ZSWIM5: variants seen among roughly 807,000 people sequenced by gnomAD.
ZSWIM5 encodes zinc finger SWIM domain-containing protein 5.
Under a neutral mutation model 119.6 loss-of-function variants are expected in ZSWIM5, and 55 were observed. The ratio of observed to expected loss-of-function variants is 0.46; its 90% CI spans 0.37 to 0.58. The LOEUF (loss-of-function observed/expected upper bound fraction) is 0.58, where lower values mean the gene tolerates loss of function less well. ZSWIM5 is among the 20% of genes least tolerant of loss of function. The probability of loss-of-function intolerance (pLI) is 0.00; values close to 1 mark genes in which losing one functional copy is unlikely to be tolerated. For synonymous variants in ZSWIM5, 537 were observed against 606.9 expected, an observed-to-expected ratio of 0.88 and a Z score of 1.69; for missense variants, 1,193 against 1,512.8, an observed-to-expected ratio of 0.79 and a Z score of 3.51.
rs758591989 is a variant in ZSWIM5, at chr1:45,206,185, C to T, written c.166G>A (p.Ala56Thr). The T allele has an allele frequency of 2.5e-6, 4 of 1,604,456 alleles. No individual in the cohort carries two copies. Among genetic ancestry groups the T allele is most frequent in the African/African-American group, 1.3e-5 (1 of 74,562 alleles). ...GAATCCGGCTGCAGGTGGGGGCGGG[C>T]CCCGAGGACCAGGCAGCTGCTGCCG... is the stretch of plus-strand genomic sequence containing the variant. The part of the protein sequence containing the change: ...GVGSSCLVLG[A>T]RPHLQPDSLL... The change falls in exon 1 of 14, where the codon GCC becomes ACC. Residue 56 changes from alanine to threonine, a missense_variant. Physicochemically the swap from Ala to Thr is moderately conservative, Grantham distance 58. Around this residue, in one of 2 missense-constraint regions of ZSWIM5, gnomAD observed 232 missense variants for 222.9 expected, o/e 1.04. Transcript: ENST00000359600.
intron 1 of ZSWIM5, among the ~76,000 whole-genome samples, chr1:45,150,726 G>A (rs1645791864): frequency 6.6e-6 from 1 of 151,710 alleles, no homozygotes; most frequent in African/African-American, 2.4e-5. Context: ...TGTTTGTCTT[G>A]TCGACCAGAT....
chr1:45,079,395 C>T (rs2149007872), intron 2 of ZSWIM5, among the ~76,000 whole-genome samples: 1 of 152,310 alleles, frequency 6.6e-6, no homozygotes, highest in Admixed American at 6.5e-5. Flanking sequence ...AGAGGAGCCT[C>T]CCATGGCCAC....
At chr1:45,040,330 T>C in intron 7 of ZSWIM5, 62 bp downstream of exon 7, 2 of 1,458,030 alleles carry the variant, frequency 1.4e-6, no homozygotes, top group Admixed American at 2.3e-5. Context: ...GGGCCTTGTA[T>C]CCCCTGAGGA....
At chr1:45,106,395 G>A (rs1645478541) in intron 1 of ZSWIM5, among the ~76,000 whole-genome samples, 1 of 148,162 alleles carries the variant, frequency 6.7e-6, no homozygotes, top group African/African-American at 2.5e-5. Flanking sequence ...CATCTGGGAA[G>A]TGAGGAGCGC....
intron 1 of ZSWIM5, among the ~76,000 whole-genome samples, chr1:45,135,752 T>C (rs932909003): frequency 6.6e-6 from 1 of 152,232 alleles, no homozygotes; most frequent in Non-Finnish European, 1.5e-5. Context: ...CCAATTCTCA[T>C]TGTCCATTGG....
chr1:45,205,672 G>A (rs1646183543), intron 1 of ZSWIM5, 84 bp downstream of exon 1: 1 of 1,340,664 alleles, frequency 7.5e-7, no homozygotes, highest in South Asian at 1.3e-5. Flanking sequence ...GAAGGCCGGG[G>A]TCTCGGCCCC....
At chr1:45,120,562 C>T (rs1645585226) in intron 1 of ZSWIM5, among the ~76,000 whole-genome samples, 1 of 152,076 alleles carries the variant, frequency 6.6e-6, no homozygotes, top group African/African-American at 2.4e-5. Flanking sequence ...CTCCTGGGCT[C>T]AAGCAGTCCT....
chr1:45,108,360 A>C (rs1645494368), intron 1 of ZSWIM5, among the ~76,000 whole-genome samples: 1 of 152,220 alleles, frequency 6.6e-6, no homozygotes, highest in African/African-American at 2.4e-5. Flanking sequence ...GGGAAGAATA[A>C]AAAGTAAACA....
intron 11 of ZSWIM5, among the ~76,000 whole-genome samples, chr1:45,032,776 C>T (rs1006715283): frequency 1.5e-4 from 23 of 148,580 alleles, no homozygotes; most frequent in African/African-American, 4.7e-4. Context: ...TGTGAGCCAC[C>T]GTGCCTGGCC....
intron 1 of ZSWIM5, among the ~76,000 whole-genome samples, chr1:45,178,958 G>C (rs1254479241): frequency 6.6e-6 from 1 of 151,848 alleles, no homozygotes; most frequent in Non-Finnish European, 1.5e-5. Context: ...AATTCCACAA[G>C]GTTAGGGGTA....
chr1:45,114,073 C>T (rs1645532689), intron 1 of ZSWIM5, among the ~76,000 whole-genome samples: 1 of 152,188 alleles, frequency 6.6e-6, no homozygotes, highest in African/African-American at 2.4e-5. Context: ...TAAATTTGAG[C>T]AGTGACAATA....
chr1:45,191,169 G>C (rs1317458467), intron 1 of ZSWIM5, among the ~76,000 whole-genome samples: 1 of 151,696 alleles, frequency 6.6e-6, no homozygotes, highest in Non-Finnish European at 1.5e-5. Flanking sequence ...TCCTGACCTC[G>C]TGATCCGCCC....
intron 1 of ZSWIM5, among the ~76,000 whole-genome samples, chr1:45,203,686 CTTTAAG>C (rs1422847940): frequency 2.0e-5 from 3 of 152,054 alleles, no homozygotes; most frequent in Non-Finnish European, 4.4e-5. Flanking sequence ...TTACTTATAA[CTTTAAG>C]TTTAGGAGAT....
At position 45,206,506 on chromosome 1, in the gene ZSWIM5, C is replaced by A. The variant is rs1219555959; in HGVS notation, c.-156G>T. 1 of 1,105,100 alleles carries A rather than the reference C, an allele frequency of 9.0e-7. No homozygotes were observed. The highest frequency in any genetic ancestry group is 1.1e-6 in the Non-Finnish European group (1 of 908,658). 68.5% of individuals were successfully genotyped at this position (1,105,100 alleles called of 1,614,324 possible). On this transcript the variant is annotated 5_prime_UTR_variant, in exon 1 of 14. Transcript: ENST00000359600. Reference sequence around the variant, plus strand: ...GAGCCAGCCGGCCCGAGTGGGGAACCGCGGCCGGGCCCGGGAGCGCGCCGC... The same window carrying A: ...GAGCCAGCCGGCCCGAGTGGGGAACAGCGGCCGGGCCCGGGAGCGCGCCGC...
chr1:45,028,843 G>A (rs1297811005), intron 11 of ZSWIM5, among the ~76,000 whole-genome samples: 2 of 152,132 alleles, frequency 1.3e-5, no homozygotes, highest in Non-Finnish European at 2.9e-5. Flanking sequence ...AGCATTTTGG[G>A]AGCCCAAGGT....
At chr1:45,118,042 GC>G in intron 1 of ZSWIM5, among the ~76,000 whole-genome samples, 1 of 151,606 alleles carries the variant, frequency 6.6e-6, no homozygotes, top group South Asian at 2.1e-4. Context: ...GGCAGAGCTT[GC>G]AGGGAGCCGA....
At chr1:45,043,627 C>T (rs975373396) in intron 5 of ZSWIM5, among the ~76,000 whole-genome samples, 1 of 152,154 alleles carries the variant, frequency 6.6e-6, no homozygotes, top group Non-Finnish European at 1.5e-5. Flanking sequence ...TGTGTGTGCT[C>T]TTTATAGGAA....
Position 45,017,576 on chromosome 1 carries a change from A to G in ZSWIM5, c.*878T>C, listed in dbSNP as rs1183269284. The G allele has an allele frequency of 6.6e-6, 1 of 152,264 alleles. No individual in the cohort carries two copies. Among genetic ancestry groups the G allele is most frequent in the Admixed American group, 6.5e-5 (1 of 15,282 alleles). 9.4% of individuals were successfully genotyped at this position (152,264 alleles called of 1,614,324 possible). ...TACATACACACATGTACTTAGCCAT[A>G]AAGATACACACACACAATTATAGAT... On this transcript the variant is annotated 3_prime_UTR_variant, in exon 14 of 14. Transcript: ENST00000359600.
In ZSWIM5 at chr1:45,018,979, G is replaced by T; in HGVS notation, c.3033C>A (p.Gly1011=). 6.2e-7 allele frequency: 1 copy of T among 1,614,238 alleles called. No individual in the cohort carries two copies. Among genetic ancestry groups the T allele is most frequent in the Non-Finnish European group, 8.5e-7 (1 of 1,180,038 alleles). Reference sequence around the variant, plus strand: ...CCAGCTTGAAGGCACGTAGCGGGTAGCCACGGAGCTCCATGTAGCGGGCGA... The same window carrying T: ...CCAGCTTGAAGGCACGTAGCGGGTATCCACGGAGCTCCATGTAGCGGGCGA... The part of the protein sequence containing the change: ...FTIARYMELR[G]YPLRAFKLAS... The change falls in exon 14 of 14, where the codon GGC becomes GGA. Residue 1011 remains glycine (G), a synonymous_variant. Coordinates refer to ENST00000359600, the MANE Select transcript of ZSWIM5 (RefSeq NM_020883.2). This position sits in a 1 kb window ranked among gnomAD's most constrained non-coding sequence, Gnocchi z 6.7.
Sources: gnomAD v4.1 joint callset for allele counts (sites outside exome capture counted in the v4.1 genomes callset) on GRCh38, gnomAD v4.1.1 for gene constraint, gnomAD v4.1.1 regional missense constraint, Gnocchi (gnomAD v3.1) non-coding constraint, MANE v1.5 for transcripts, NCBI Gene and HGNC (gene_info 2026-07-23, HGNC 2026-07-21) for gene names.